The following GHR variants were observed in gnomAD, a reference collection of about 807,000 sequenced individuals.
GHR encodes the protein GH receptor.
In GHR, 35 loss-of-function variants were observed where a neutral mutation model predicts 67.1. The ratio of observed to expected loss-of-function variants is 0.52; its 90% CI spans 0.40 to 0.69. The LOEUF is 0.69. Ranked by LOEUF, GHR falls within the 30% of genes least tolerant of loss-of-function variation. The pLI, the probability that GHR is intolerant of heterozygous loss-of-function variation, is 0.00. For synonymous variants in GHR, 272 were observed against 269.1 expected (o/e 1.01, Z -0.10); for missense variants, 792 against 764.6 (o/e 1.04, Z -0.42).
intron 1 of GHR, among the ~76,000 whole-genome samples, chr5:42,511,271 C>G (rs998720120): frequency 2.2e-4 from 34 of 152,196 alleles, no homozygotes; most frequent in African/African-American, 7.9e-4. Flanking sequence ...CCTCTCTAAC[C>G]AGCTGATTTA....
chr5:42,508,461 T>C (rs556813522), intron 1 of GHR, among the ~76,000 whole-genome samples: 6 of 152,346 alleles, frequency 3.9e-5, no homozygotes, highest in African/African-American at 1.2e-4. Context: ...GGAGGCTTCA[T>C]ATGAAAGCAG....
chr5:42,480,566 T>C (rs1745580012), intron 1 of GHR, among the ~76,000 whole-genome samples: 1 of 152,232 alleles, frequency 6.6e-6, no homozygotes, highest in African/African-American at 2.4e-5. Context: ...TGAATCTGGG[T>C]GCTCCTGTAT....
Position 42,615,327 on chromosome 5 carries a change from T to C in GHR, c.71-13711T>C, listed in dbSNP as rs149249129. On this transcript the variant is annotated intron_variant, in intron 2 of 9. Transcript: ENST00000230882. Reference sequence around the variant, plus strand: ...GAAACTTTCAGCAGAAATGTATCACTCTTGGGCATCAGTTAGTTCTAAACA... The same window carrying C: ...GAAACTTTCAGCAGAAATGTATCACCCTTGGGCATCAGTTAGTTCTAAACA... Among the ~76,000 whole-genome samples the C allele has an allele frequency of 1.0e-3, 154 of 152,194 alleles. 2 individuals are homozygous for C. The highest frequency in any genetic ancestry group is 2.0e-3 in the Non-Finnish European group (134 of 67,968).
rs530078726 is a variant in GHR, at chr5:42,572,447, C to G, written c.70+6503C>G. ...TCAAACCCAAAGCAAACTTCCTCAT[C>G]ATCTGTAGTTAGCAGCATGAAGACG... On this transcript the variant is annotated intron_variant, in intron 2 of 9. Transcript: ENST00000230882. 2.3e-3 allele frequency among the ~76,000 whole-genome samples: 355 copies of G among 152,308 alleles called. 1 individual carries two copies. The highest frequency in any genetic ancestry group is 8.2e-3 in the African/African-American group (341 of 41,568).
At chr5:42,658,033 C>T (rs566725523) in intron 3 of GHR, among the ~76,000 whole-genome samples, 3 of 152,182 alleles carry the variant, frequency 2.0e-5, no homozygotes, top group African/African-American at 4.8e-5. Flanking sequence ...GGCATTATTG[C>T]TTAGGGAATT....
At chr5:42,636,067 G>A (rs996939421) in intron 3 of GHR, among the ~76,000 whole-genome samples, 5 of 151,678 alleles carry the variant, frequency 3.3e-5, no homozygotes, top group African/African-American at 9.7e-5. Flanking sequence ...AAAATTAGCC[G>A]GGCGTGGTGG....
intron 2 of GHR, among the ~76,000 whole-genome samples, chr5:42,614,203 G>C (rs1174731482): frequency 1.3e-5 from 2 of 151,974 alleles, no homozygotes; most frequent in Non-Finnish European, 2.9e-5. Flanking sequence ...TTTATTATTA[G>C]TTTCAGATGT....
chr5:42,711,639 G>A (rs1758464532), intron 7 of GHR, among the ~76,000 whole-genome samples: 1 of 151,902 alleles, frequency 6.6e-6, no homozygotes, highest in Admixed American at 6.6e-5. Context: ...ATCTCCGGAT[G>A]GTAGAATTCA....
intron 1 of GHR, among the ~76,000 whole-genome samples, chr5:42,488,616 A>G (rs1167447984): frequency 6.6e-6 from 1 of 152,152 alleles, no homozygotes; most frequent in Non-Finnish European, 1.5e-5. Context: ...TAGCATATGT[A>G]TTAATAGGGA....
At chr5:42,541,965 A>G (rs1222719049) in intron 1 of GHR, among the ~76,000 whole-genome samples, 1 of 152,208 alleles carries the variant, frequency 6.6e-6, no homozygotes, top group Non-Finnish European at 1.5e-5. Flanking sequence ...GAAATTATTA[A>G]ATAGTGAACT....
intron 1 of GHR, among the ~76,000 whole-genome samples, chr5:42,476,905 A>T (rs1199124323): frequency 6.6e-6 from 1 of 151,964 alleles, no homozygotes; most frequent in Non-Finnish European, 1.5e-5. Flanking sequence ...ATAATACTTT[A>T]AGTTTTAGTG....
intron 3 of GHR, among the ~76,000 whole-genome samples, chr5:42,648,452 ATG>A (rs2112814384): frequency 6.6e-6 from 1 of 152,238 alleles, no homozygotes; most frequent in South Asian, 2.1e-4. Context: ...GTGGGTGTGT[ATG>A]TTTATGTACA....
chr5:42,646,662 G>C lies in GHR; in HGVS notation c.136+17559G>C, dbSNP rs1298950196. On this transcript the variant is annotated intron_variant, in intron 3 of 9. Transcript: ENST00000230882. ...TGTTCTCTGCATTTGGATAAGTGAT[G>C]ATACTATAGACTCAGAGCCTAGATA... Among the ~76,000 whole-genome samples the C allele has an allele frequency of 2.0e-5, 3 of 152,126 alleles. No homozygotes were observed. In the East Asian group the frequency reaches 5.8e-4, roughly 29 times the overall value.
chr5:42,460,733 G>A (rs988957503), intron 1 of GHR, among the ~76,000 whole-genome samples: 7 of 152,022 alleles, frequency 4.6e-5, no homozygotes, highest in Non-Finnish European at 7.4e-5. Context: ...GTTAATAGTT[G>A]GTAGCTTAAT....
In GHR at chr5:42,474,277, A is replaced by G. The variant is rs946139551; in HGVS notation, c.-12+50322A>G. On this transcript the variant is annotated intron_variant, in intron 1 of 9. Transcript: ENST00000230882. ...ACAGACAGAAAGAAAGAAAGAAAGA[A>G]AGAAAGAAAAAGAGAAAGAGAAAGA... 1.4e-4 allele frequency among the ~76,000 whole-genome samples: 16 copies of G among 110,700 alleles called. 1 individual carries two copies. The highest frequency in any genetic ancestry group is 4.7e-4 in the African/African-American group (13 of 27,792). The allele number at this position is 110,700 out of a possible 152,430, so 72.6% of individuals were successfully genotyped here.
At chr5:42,510,346 A>G (rs1180054991) in intron 1 of GHR, among the ~76,000 whole-genome samples, 1 of 152,152 alleles carries the variant, frequency 6.6e-6, no homozygotes, top group Admixed American at 6.5e-5. Flanking sequence ...TCAGCACAGT[A>G]TATCATCTCA....
intron 1 of GHR, among the ~76,000 whole-genome samples, chr5:42,485,686 T>G (rs1048052280): frequency 1.3e-5 from 2 of 152,244 alleles, no homozygotes; most frequent in African/African-American, 4.8e-5. Flanking sequence ...AGTTTCTAAA[T>G]TTTAATCAAA....
chr5:42,499,837 A>G (rs1746465925), intron 1 of GHR, among the ~76,000 whole-genome samples: 1 of 152,232 alleles, frequency 6.6e-6, no homozygotes. Context: ...GTAACATAGT[A>G]CATATAGAGG....
chr5:42,691,300 G>T (rs947039393), intron 4 of GHR, among the ~76,000 whole-genome samples: 1 of 152,162 alleles, frequency 6.6e-6, no homozygotes, highest in South Asian at 2.1e-4. Flanking sequence ...TACAAAATTA[G>T]ATATTTGTGT....
Sources: gnomAD v4.1 joint callset for allele counts (sites outside exome capture counted in the v4.1 genomes callset) on GRCh38, gnomAD v4.1.1 for gene constraint, MANE v1.5 for transcripts, NCBI Gene and HGNC (gene_info 2026-07-23, HGNC 2026-07-21) for gene names.